FHDC1: variants seen among roughly 807,000 people sequenced by gnomAD.
FHDC1 encodes FH2 domain-containing protein 1.
In FHDC1, 25 loss-of-function variants were observed where a neutral mutation model predicts 52.6. The observed-to-expected ratio is 0.48, with a 90% CI of 0.35 to 0.66. FHDC1 has a LOEUF of 0.66. Ranked by LOEUF, FHDC1 falls within the 30% of genes least tolerant of loss-of-function variation. FHDC1 has a pLI of 0.01. For synonymous variants in FHDC1, 616 were observed against 581.5 expected, an observed-to-expected ratio of 1.06 and a Z score of -0.85; for missense variants, 1,459 against 1,452.8, an observed-to-expected ratio of 1.00 and a Z score of -0.07.
At chr4:152,957,011 T>C (rs1299189960) in intron 4 of FHDC1, among the ~76,000 whole-genome samples, 2 of 152,094 alleles carry the variant, frequency 1.3e-5, no homozygotes, top group Non-Finnish European at 2.9e-5. Context: ...GACAAACTTT[T>C]TTGTGTCCCC....
At chr4:152,919,421 A>ATG in the FHDC1 span, among the ~76,000 whole-genome samples, 1 of 152,202 alleles carries the variant, frequency 6.6e-6, no homozygotes, top group Non-Finnish European at 1.5e-5. Context: ...AATTCTGAGC[A>ATG]TGTGTGTTTG....
Position 152,968,074 on chromosome 4 carries a change from C to A in FHDC1, c.1195C>A (p.Gln399Lys). ...ENIQRDGELCQQMEDFLQFAI... is the reference protein window; with the variant it reads ...ENIQRDGELCKQMEDFLQFAI... ...CATCCAGCGGGATGGTGAACTTTGT[C>A]AGCAGATGGAAGATTTTCTTCAGGT... Residue 399 changes from glutamine (Q) to lysine (K), a missense_variant, in exon 10 of 12, where the codon CAG becomes AAG. Around this residue, in one of 3 missense-constraint regions of FHDC1, gnomAD observed 513 missense variants for 581.5 expected, o/e 0.88. Coordinates refer to ENST00000511601, the MANE Select transcript of FHDC1 (RefSeq NM_001371116.1). 1.2e-6 allele frequency: 2 copies of A among 1,613,568 alleles called. No individual in the cohort carries two copies. Among genetic ancestry groups the A allele is most frequent in the South Asian group, 2.2e-5 (2 of 90,982 alleles).
rs1386539151 is a variant in FHDC1, at chr4:152,943,540, A to G, written c.483A>G (p.Arg161=). Residue 161 remains arginine, a synonymous_variant, in exon 2 of 12, where the codon AGA becomes AGG. Coordinates refer to ENST00000511601, the MANE Select transcript of FHDC1 (RefSeq NM_001371116.1). ...GAAGAACTTTAAATTCATCCTTCAG[A>G]GAAGCTCGAGAAGAGGTAAGAATGC... The part of the protein sequence containing the change: ...RRGRTLNSSF[R]EAREEITILD... The G allele has an allele frequency of 1.2e-6, 2 of 1,611,704 alleles. No homozygotes were observed. Among genetic ancestry groups the G allele is most frequent in the Non-Finnish European group, 1.7e-6 (2 of 1,178,860 alleles).
chr4:152,926,022 T>C, the FHDC1 span, among the ~76,000 whole-genome samples: 1 of 151,894 alleles, frequency 6.6e-6, no homozygotes, highest in South Asian at 2.1e-4. Context: ...CAGAGGTTTC[T>C]CCCCAAAAGA....
intron 2 of FHDC1, among the ~76,000 whole-genome samples, chr4:152,946,571 A>C (rs545133308): frequency 1.3e-5 from 2 of 152,346 alleles, no homozygotes; most frequent in South Asian, 4.1e-4. Flanking sequence ...ACTTTGCAGT[A>C]AGCGGAGTCC....
the FHDC1 span, chr4:152,927,328 T>C: frequency 7.4e-6 from 5 of 677,586 alleles, no homozygotes; most frequent in Non-Finnish European, 1.3e-5. Flanking sequence ...CAGGGGAACC[T>C]CCACTCAGAA....
At chr4:152,914,663 A>G in the FHDC1 span, among the ~76,000 whole-genome samples, 2 of 152,224 alleles carry the variant, frequency 1.3e-5, no homozygotes, top group East Asian at 3.8e-4. Flanking sequence ...AAGATGTAAG[A>G]GGAACAGGAT....
chr4:152,971,337 T>C (rs1480069857), intron 10 of FHDC1, among the ~76,000 whole-genome samples: 1 of 152,126 alleles, frequency 6.6e-6, no homozygotes, highest in Non-Finnish European at 1.5e-5. Flanking sequence ...GCCTGGGTAA[T>C]GGAGTGAGAC....
the FHDC1 span, among the ~76,000 whole-genome samples, chr4:152,925,849 G>T: frequency 6.9e-6 from 1 of 144,082 alleles, no homozygotes; most frequent in Non-Finnish European, 1.5e-5. Context: ...AGAAGAAGGA[G>T]AAGAAGGAGA....
intron 1 of FHDC1, among the ~76,000 whole-genome samples, chr4:152,937,096 C>T (rs1422946471): frequency 6.6e-6 from 1 of 152,222 alleles, no homozygotes; most frequent in Non-Finnish European, 1.5e-5. Flanking sequence ...AGGGGTGTCC[C>T]CAGCTCTTGG....
intron 2 of FHDC1, among the ~76,000 whole-genome samples, chr4:152,948,883 T>C (rs746808886): frequency 2.6e-5 from 4 of 152,022 alleles, no homozygotes; most frequent in African/African-American, 7.2e-5. Flanking sequence ...TTCTTAAAAA[T>C]TGTTATGGAG....
chr4:152,958,561 CAT>C (rs1385903611), intron 4 of FHDC1, among the ~76,000 whole-genome samples: 5 of 152,120 alleles, frequency 3.3e-5, no homozygotes, highest in African/African-American at 4.8e-5. Flanking sequence ...CAGTTTAGCA[CAT>C]GTTTAATAGA....
At position 152,943,048 on chromosome 4, in the gene FHDC1, C is replaced by T; in HGVS notation, c.-10C>T. ...GCCAAGAAATTATCTCCATAGGAGGCAACAGTACTATGCATGTTATGAATT... is the reference window on the plus strand; with the variant it reads ...GCCAAGAAATTATCTCCATAGGAGGTAACAGTACTATGCATGTTATGAATT... On this transcript the variant is annotated 5_prime_UTR_variant, in exon 2 of 12. It introduces an in-frame stop codon into an upstream open reading frame of the 5' UTR. Coordinates refer to ENST00000511601, the MANE Select transcript of FHDC1 (RefSeq NM_001371116.1). 1 of 1,602,614 alleles carries T rather than the reference C, an allele frequency of 6.2e-7. No homozygotes were observed. Among genetic ancestry groups the T allele is most frequent in the Non-Finnish European group, 8.5e-7 (1 of 1,173,326 alleles).
chr4:152,972,613 G>C, intron 11 of FHDC1, 72 bp downstream of exon 11: 1 of 1,504,594 alleles, frequency 6.6e-7, no homozygotes, highest in Non-Finnish European at 8.9e-7. Flanking sequence ...CTAGTCATCT[G>C]CTCACCACAG....
In FHDC1 at chr4:152,973,282, C is replaced by T. The variant is rs150843658; in HGVS notation, c.1383+741C>T. On this transcript the variant is annotated intron_variant, in intron 11 of 11. Transcript: ENST00000511601. ...GCAAAGCTCGTGAGTCATCTCTCCC[C>T]CTCCAGTTGGAATGCAGCTTAGTCC... Among the ~76,000 whole-genome samples the T allele has an allele frequency of 2.5e-3, 386 of 152,354 alleles. 1 individual carries two copies. The highest frequency in any genetic ancestry group is 9.0e-3 in the African/African-American group (373 of 41,574).
intron 2 of FHDC1, among the ~76,000 whole-genome samples, chr4:152,947,279 GTA>G (rs1225746686): frequency 4.0e-5 from 6 of 151,352 alleles, no homozygotes; most frequent in Admixed American, 3.9e-4. Context: ...TACTATCCTT[GTA>G]TCTTTGTTAA....
chr4:152,951,576 G>A (rs1739927716), intron 2 of FHDC1, among the ~76,000 whole-genome samples: 1 of 152,072 alleles, frequency 6.6e-6, no homozygotes, highest in South Asian at 2.1e-4. Context: ...TAACCTTATA[G>A]CCAGGAAGTG....
At chr4:152,955,533 A>G (rs1740055922) in intron 4 of FHDC1, among the ~76,000 whole-genome samples, 1 of 152,210 alleles carries the variant, frequency 6.6e-6, no homozygotes, top group African/African-American at 2.4e-5. Context: ...TCTGTCGCCC[A>G]GGCTGGAGTG....
intron 2 of FHDC1, 93 bp from the exon 3 acceptor site, chr4:152,953,406 A>T (rs1739984684): frequency 1.1e-6 from 1 of 896,850 alleles, no homozygotes; most frequent in Non-Finnish European, 1.8e-6. Context: ...CTGATAAATT[A>T]GTGTTGCATT....
Sources: allele counts gnomAD v4.1 joint callset (sites outside exome capture counted in the v4.1 genomes callset), GRCh38; gene constraint gnomAD v4.1.1; regional missense constraint gnomAD v4.1.1; transcripts MANE v1.5; gene names NCBI Gene and HGNC (gene_info 2026-07-23, HGNC 2026-07-21).